The following DNAH3 variants were observed in gnomAD, a reference collection of about 807,000 sequenced individuals.
DNAH3 encodes the protein dynein axonemal heavy chain 3, also known as axonemal beta dynein heavy chain 3.
DNAH3 carries 332 observed loss-of-function variants against 432.5 expected under a neutral mutation model. The observed-to-expected ratio is 0.77, with a 90% CI of 0.70 to 0.84. The LOEUF is 0.84. Ranked by LOEUF, DNAH3 falls within the 40% of genes least tolerant of loss-of-function variation. The probability of loss-of-function intolerance (pLI) is 0.00; values close to 1 mark genes in which losing one functional copy is unlikely to be tolerated. For synonymous variants in DNAH3, 1,956 were observed against 1,900.2 expected (o/e 1.03, Z -0.76); for missense variants, 4,861 against 5,114.0 (o/e 0.95, Z 1.51).
At chr16:21,020,348 G>GTGTGTGTGTGTGTGTATATA in intron 40 of DNAH3, among the ~76,000 whole-genome samples, 4 of 69,158 alleles carry the variant, frequency 5.8e-5, no homozygotes, top group South Asian at 1.3e-3. Context: ...TATAGTGTGT[G>GTGTGTGTGTGTGTGTATATA]TATATATATA....
intron 52 of DNAH3, 134 bp from the exon 53 acceptor site, chr16:20,965,559 C>A: frequency 1.5e-6 from 1 of 678,336 alleles, no homozygotes; most frequent in Non-Finnish European, 2.3e-6. Context: ...CCAACCTCAT[C>A]AACCCCATCT....
intron 25 of DNAH3, among the ~76,000 whole-genome samples, chr16:21,060,668 G>T (rs1259601641): frequency 1.3e-5 from 2 of 150,648 alleles, no homozygotes; most frequent in African/African-American, 4.9e-5. Context: ...GGGATTACAG[G>T]CGTGCACCAC....
At chr16:20,964,026 C>T (rs777012449) in exon 53 of DNAH3, 4 of 1,614,062 alleles carry the variant, frequency 2.5e-6, no homozygotes, top group Non-Finnish European at 2.5e-6. Context: ...TCTCGTCAAT[C>T]TGCGTTTCTG....
rs949541494 is a variant in DNAH3 at position 20,975,358 on chromosome 16, C to T, written c.8134G>A (p.Glu2712Lys). 7.4e-6 allele frequency: 12 copies of T among 1,614,140 alleles called. No homozygotes were observed. In the East Asian group the frequency reaches 8.9e-5, roughly 12 times the overall value. The change falls in exon 51 of 62, where the codon GAG becomes AAG. Residue 2712 changes from glutamate to lysine, a missense_variant. Glu to Lys is a moderately conservative substitution (Grantham distance 56, BLOSUM62 1). Coordinates refer to ENST00000261383, the Ensembl canonical transcript of DNAH3. ...TTCACCATCATCTTGGCAGTTTCCT[C>T]GGAGGTGAGGATGAGTTGAGGTTGA...
intron 41 of DNAH3, among the ~76,000 whole-genome samples, chr16:21,007,481 G>A (rs917997554): frequency 3.3e-5 from 5 of 152,148 alleles, no homozygotes; most frequent in Non-Finnish European, 7.3e-5. Flanking sequence ...CCAAAGGCAT[G>A]AGCCCCAGTG....
At chr16:20,980,976 T>C (rs888438942) in intron 49 of DNAH3, among the ~76,000 whole-genome samples, 3 of 152,202 alleles carry the variant, frequency 2.0e-5, no homozygotes, top group African/African-American at 7.2e-5. Flanking sequence ...CATGCGTGCA[T>C]TCCAATAAAA....
exon 12 of DNAH3, chr16:21,117,306 A>T (rs762660277): frequency 6.2e-7 from 1 of 1,609,646 alleles, no homozygotes. Context: ...AGCAGATTAT[A>T]TCCTTTCAGC....
exon 62 of DNAH3, chr16:20,933,122 G>A: frequency 1.3e-6 from 2 of 1,570,410 alleles, no homozygotes; most frequent in Non-Finnish European, 1.7e-6. Flanking sequence ...AGAATGAAAT[G>A]CTTTTTATTT....
At chr16:20,997,546 G>T in intron 43 of DNAH3, 84 bp from the exon 44 acceptor site, 2 of 1,432,624 alleles carry the variant, frequency 1.4e-6, no homozygotes, top group Non-Finnish European at 1.9e-6. Flanking sequence ...CAATTCCCCT[G>T]TAGGGGAATC....
At chr16:21,048,350 C>G (rs529881935) in intron 31 of DNAH3, among the ~76,000 whole-genome samples, 1 of 152,220 alleles carries the variant, frequency 6.6e-6, no homozygotes, top group Non-Finnish European at 1.5e-5. Context: ...TAGGACCCTC[C>G]GAGCCAGGTG....
chr16:21,140,616 C>A lies in DNAH3; in HGVS notation c.616G>T (p.Glu206Ter). The change falls in exon 5 of 62, where the codon GAA becomes TAA. Residue 206 changes from glutamate (E) to a stop codon, truncating the protein, a stop_gained. Transcript: ENST00000261383. LOFTEE classifies it high-confidence loss of function. The stretch of plus-strand genomic sequence containing the variant: ...TGTAACATGACATCGAGCTGCTGTT[C>A]TGGACTCATTGGTCTGCTTCCTGGG... 1 of 1,614,188 alleles carries A rather than the reference C, an allele frequency of 6.2e-7. No individual in the cohort carries two copies. The highest frequency in any genetic ancestry group is 8.5e-7 in the Non-Finnish European group (1 of 1,180,022).
In DNAH3 at chr16:21,134,472, G is replaced by A. The variant is rs758528843; in HGVS notation, c.887-18C>T. The A allele has an allele frequency of 4.4e-6, 7 of 1,608,644 alleles. No individual in the cohort carries two copies. In the South Asian group the frequency reaches 5.5e-5, roughly 13 times the overall value. On this transcript the variant is annotated intron_variant, in intron 6 of 61. Coordinates refer to ENST00000261383, the Ensembl canonical transcript of DNAH3. ...GTAATCAACTACAACCGGAAAGGGC[G>A]AACACCTCATTATTAAGCTCTAAGG...
chr16:20,989,198 T>C (rs2086406724), intron 44 of DNAH3, among the ~76,000 whole-genome samples: 1 of 152,150 alleles, frequency 6.6e-6, no homozygotes, highest in African/African-American at 2.4e-5. Flanking sequence ...AGTGGTCTGT[T>C]TTGACAGGGT....
chr16:21,066,723 G>GA (rs530293241), intron 24 of DNAH3, among the ~76,000 whole-genome samples: 1 of 151,826 alleles, frequency 6.6e-6, no homozygotes, highest in Non-Finnish European at 1.5e-5. Context: ...TTCTTGTGTG[G>GA]AAAAAAAGAG....
At chr16:21,042,743 C>T (rs1597221299) in intron 31 of DNAH3, among the ~76,000 whole-genome samples, 1 of 151,968 alleles carries the variant, frequency 6.6e-6, no homozygotes, top group African/African-American at 2.4e-5. Flanking sequence ...CATATATATA[C>T]ATGTGCCATG....
intron 5 of DNAH3, 87 bp downstream of exon 6, chr16:21,140,449 T>C: frequency 7.2e-7 from 1 of 1,396,970 alleles, no homozygotes; most frequent in Non-Finnish European, 9.9e-7. Context: ...TCCCAGGTGA[T>C]TCTGCTGTTC....
chr16:21,014,883 A>G (rs1482325170), intron 41 of DNAH3, among the ~76,000 whole-genome samples: 1 of 152,184 alleles, frequency 6.6e-6, no homozygotes, highest in South Asian at 2.1e-4. Flanking sequence ...TTAACAAAAA[A>G]TATACAAGAT....
Position 21,122,896 on chromosome 16 carries a change from C to T in DNAH3, c.1405-772G>A, listed in dbSNP as rs2092374222. ...TAAACTCCTGAGCTCAAGTGATCCT[C>T]CTGCCTCAGCCTCCCAAAGTGCTGG... On this transcript the variant is annotated intron_variant, in intron 9 of 61. Coordinates refer to ENST00000261383, the Ensembl canonical transcript of DNAH3. Among the ~76,000 whole-genome samples, 2 of 152,048 alleles carry T rather than the reference C, an allele frequency of 1.3e-5. 1 individual carries two copies. Among genetic ancestry groups the T allele is most frequent in the South Asian group, 4.1e-4 (2 of 4,826 alleles).
At chr16:20,988,895 G>C (rs1303854210) in intron 44 of DNAH3, among the ~76,000 whole-genome samples, 1 of 152,160 alleles carries the variant, frequency 6.6e-6, no homozygotes, top group Non-Finnish European at 1.5e-5. Flanking sequence ...GACCTTCGCG[G>C]TGAGTGTTAC....
Sources: gnomAD v4.1 joint callset for allele counts (sites outside exome capture counted in the v4.1 genomes callset) on GRCh38, gnomAD v4.1.1 for gene constraint, MANE v1.5 for transcripts, NCBI Gene and HGNC (gene_info 2026-07-23, HGNC 2026-07-21) for gene names.